SKAP1: variants seen among roughly 807,000 people sequenced by gnomAD.
SKAP1 encodes src kinase associated phosphoprotein 1, also known as src kinase-associated phosphoprotein 1.
Under a neutral mutation model 58.5 loss-of-function variants are expected in SKAP1, and 44 were observed. The ratio of observed to expected loss-of-function variants is 0.75; its 90% confidence interval spans 0.59 to 0.97. The LOEUF is 0.97. Ranked by LOEUF, SKAP1 falls within the 50% of genes least tolerant of loss-of-function variation. The probability of loss-of-function intolerance (pLI) is 0.00; values close to 1 mark genes in which losing one functional copy is unlikely to be tolerated. For missense variants in SKAP1, 390 were observed against 435.2 expected, an observed-to-expected ratio of 0.90 and a Z score of 0.92; for synonymous variants, 127 against 149.7, an observed-to-expected ratio of 0.85 and a Z score of 1.11.
intron 1 of SKAP1, among the ~76,000 whole-genome samples, chr17:48,402,324 C>T (rs908708014): frequency 2.0e-5 from 3 of 148,012 alleles, no homozygotes; most frequent in African/African-American, 7.6e-5. Context: ...CACAAATATT[C>T]ATAGCAGCAT....
chr17:48,188,712 A>G (rs1252224673), intron 5 of SKAP1, among the ~76,000 whole-genome samples: 1 of 151,476 alleles, frequency 6.6e-6, no homozygotes, highest in African/African-American at 2.4e-5. Context: ...GAAAGAAAAA[A>G]AAAAGGCCGG....
At chr17:48,352,308 C>T (rs1398148057) in intron 3 of SKAP1, among the ~76,000 whole-genome samples, 4 of 152,216 alleles carry the variant, frequency 2.6e-5, no homozygotes, top group African/African-American at 7.2e-5. Flanking sequence ...CACACTAACA[C>T]ATTCCATCTA....
At chr17:48,244,111 G>T (rs2065269467) in intron 4 of SKAP1, among the ~76,000 whole-genome samples, 1 of 152,180 alleles carries the variant, frequency 6.6e-6, no homozygotes, top group African/African-American at 2.4e-5. Flanking sequence ...TAGCCTTAAT[G>T]CCTGATAATG....
At chr17:48,305,021 T>C (rs2066117509) in intron 4 of SKAP1, among the ~76,000 whole-genome samples, 3 of 152,194 alleles carry the variant, frequency 2.0e-5, no homozygotes, top group Non-Finnish European at 2.9e-5. Context: ...TGTCAAACTA[T>C]GACTTGGGCA....
Position 48,240,710 on chromosome 17 carries a change from G to C in SKAP1, c.281-51210C>G, listed in dbSNP as rs138113474. 6.5e-4 allele frequency among the ~76,000 whole-genome samples: 99 copies of C among 152,288 alleles called. 1 individual carries two copies. Among genetic ancestry groups the C allele is most frequent in the African/African-American group, 2.3e-3 (95 of 41,548 alleles). ...GCAGTGTTGTTCCAGTGGAATTACT[G>C]GAGGGACATCAGAATGACCTAATCC... On this transcript the variant is annotated intron_variant, in intron 4 of 12. Transcript: ENST00000336915.
At chr17:48,440,034 G>A in the SKAP1 span, among the ~76,000 whole-genome samples, 2 of 152,116 alleles carry the variant, frequency 1.3e-5, no homozygotes, top group Admixed American at 1.3e-4. Flanking sequence ...ACCAGGACGC[G>A]GGCTGGTGGA....
intron 4 of SKAP1, among the ~76,000 whole-genome samples, chr17:48,218,279 C>T (rs1056122012): frequency 1.3e-5 from 2 of 152,186 alleles, no homozygotes; most frequent in African/African-American, 4.8e-5. Flanking sequence ...CAGCCATTTC[C>T]TCTAGGTCTC....
At chr17:48,340,937 G>C (rs565343863) in intron 4 of SKAP1, among the ~76,000 whole-genome samples, 2 of 152,298 alleles carry the variant, frequency 1.3e-5, no homozygotes, top group African/African-American at 4.8e-5. Context: ...GATGTCTACA[G>C]AGGAACAAAC....
At chr17:48,395,761 C>T (rs2067410683) in intron 2 of SKAP1, among the ~76,000 whole-genome samples, 1 of 152,130 alleles carries the variant, frequency 6.6e-6, no homozygotes, top group Admixed American at 6.5e-5. Context: ...CAGGAAAGAT[C>T]GATTAAGATC....
At chr17:48,358,888 G>A (rs780501466) in intron 3 of SKAP1, among the ~76,000 whole-genome samples, 1 of 152,092 alleles carries the variant, frequency 6.6e-6, no homozygotes, top group African/African-American at 2.4e-5. Context: ...GATGTAATTT[G>A]CCGTAGCTAA....
chr17:48,378,184 G>A (rs1234364782), intron 2 of SKAP1, among the ~76,000 whole-genome samples: 2 of 152,040 alleles, frequency 1.3e-5, no homozygotes, highest in Admixed American at 1.3e-4. Flanking sequence ...CATCGCAAAC[G>A]GTCCATCTGC....
chr17:48,412,601 C>T (rs959457297), intron 1 of SKAP1, among the ~76,000 whole-genome samples: 2 of 152,102 alleles, frequency 1.3e-5, no homozygotes, highest in Admixed American at 6.6e-5. Flanking sequence ...AAAGTATATA[C>T]TTTATTCCTG....
At position 48,340,726 on chromosome 17, in the gene SKAP1, T is replaced by C. The variant is rs1371412671; in HGVS notation, c.280+5179A>G. On this transcript the variant is annotated intron_variant, in intron 4 of 12. Coordinates refer to ENST00000336915, the MANE Select transcript of SKAP1 (RefSeq NM_003726.4). ...ACTAGAACGTAAACACAAAAAATGC[T>C]TCTAAGTAGCATGTAAGTTAAAAAG... 2.6e-5 allele frequency among the ~76,000 whole-genome samples: 4 copies of C among 152,148 alleles called. No homozygotes were observed. The East Asian group carries it at 7.7e-4, about 29-fold the overall frequency.
chr17:48,144,876 T>C (rs774929016), intron 11 of SKAP1, among the ~76,000 whole-genome samples: 17 of 152,192 alleles, frequency 1.1e-4, no homozygotes, highest in Non-Finnish European at 2.2e-4. Context: ...AATTTGGAAG[T>C]GTTTCTGTCT....
chr17:48,375,956 G>T (rs2067145285), intron 2 of SKAP1, among the ~76,000 whole-genome samples: 1 of 152,160 alleles, frequency 6.6e-6, no homozygotes, highest in Non-Finnish European at 1.5e-5. Flanking sequence ...TTAGAGACTG[G>T]CTAGGAGGAG....
chr17:48,310,104 C>A (rs2066203227), intron 4 of SKAP1, among the ~76,000 whole-genome samples: 1 of 152,226 alleles, frequency 6.6e-6, no homozygotes, highest in East Asian at 1.9e-4. Flanking sequence ...TTGCTGCATG[C>A]ACCAACTTTC....
chr17:48,239,069 C>G (rs2065214258), intron 4 of SKAP1, among the ~76,000 whole-genome samples: 1 of 152,136 alleles, frequency 6.6e-6, no homozygotes, highest in Non-Finnish European at 1.5e-5. Context: ...AAATATCTGG[C>G]CTTACTTCTG....
intron 4 of SKAP1, among the ~76,000 whole-genome samples, chr17:48,314,429 T>C (rs1420106973): frequency 1.3e-5 from 2 of 152,166 alleles, no homozygotes; most frequent in African/African-American, 4.8e-5. Flanking sequence ...AAAAAAGTAA[T>C]CTTTCATCTG....
intron 9 of SKAP1, among the ~76,000 whole-genome samples, chr17:48,173,050 C>A (rs545679821): frequency 3.9e-5 from 6 of 152,144 alleles, no homozygotes; most frequent in African/African-American, 9.6e-5. Flanking sequence ...CACAGTGATG[C>A]ACACCTGTAG....
Sources: allele counts gnomAD v4.1 joint callset (sites outside exome capture counted in the v4.1 genomes callset), GRCh38; gene constraint gnomAD v4.1.1; transcripts MANE v1.5; gene names NCBI Gene and HGNC (gene_info 2026-07-23, HGNC 2026-07-21).